Variants in CNTNAP4 observed in about 807,000 individuals in gnomAD.
The protein encoded by CNTNAP4 is contactin-associated protein-like 4.
Under a neutral mutation model 148.4 loss-of-function variants are expected in CNTNAP4, and 98 were observed. The ratio of observed to expected loss-of-function variants is 0.66; its 90% CI spans 0.56 to 0.78. The LOEUF (loss-of-function observed/expected upper bound fraction) is 0.78, where lower values mean the gene tolerates loss of function less well. CNTNAP4 is among the 30% of genes least tolerant of loss of function. The pLI is 0.00. For synonymous variants in CNTNAP4, 730 were observed against 565.1 expected, an observed-to-expected ratio of 1.29 and a Z score of -4.14; for missense variants, 1,935 against 1,565.6, an observed-to-expected ratio of 1.24 and a Z score of -3.98.
At chr16:76,497,614 A>T (rs560337624) in intron 14 of CNTNAP4, among the ~76,000 whole-genome samples, 1 of 149,170 alleles carries the variant, frequency 6.7e-6, no homozygotes, top group East Asian at 2.0e-4. Flanking sequence ...CAAACACTGC[A>T]TGTTCTCACT....
chr16:76,492,879 G>C (rs953074870), intron 13 of CNTNAP4, among the ~76,000 whole-genome samples: 11 of 151,578 alleles, frequency 7.3e-5, no homozygotes, highest in Non-Finnish European at 1.6e-4. Context: ...CAGCATGAAG[G>C]CAGACTAATA....
intron 3 of CNTNAP4, among the ~76,000 whole-genome samples, chr16:76,358,473 C>G (rs144158563): frequency 6.6e-6 from 1 of 152,170 alleles, no homozygotes; most frequent in Admixed American, 6.5e-5. Context: ...ATATGGAGAT[C>G]ATTGTAAGCT....
At chr16:76,371,798 G>A (rs2014854160) in intron 3 of CNTNAP4, among the ~76,000 whole-genome samples, 1 of 152,148 alleles carries the variant, frequency 6.6e-6, no homozygotes, top group South Asian at 2.1e-4. Context: ...AAAGTTTCTT[G>A]TACTTTCCTA....
chr16:76,525,818 C>T (rs1383399402), intron 17 of CNTNAP4, among the ~76,000 whole-genome samples: 2 of 146,568 alleles, frequency 1.4e-5, no homozygotes, highest in African/African-American at 4.9e-5. Flanking sequence ...TTAAGCTAAA[C>T]TATATAGTTT....
At chr16:76,369,497 A>G (rs7187266) in intron 3 of CNTNAP4, among the ~76,000 whole-genome samples, 74,123 of 151,956 alleles carry the variant, frequency 0.49, 18,442 homozygotes, top group Admixed American at 0.55. Flanking sequence ...CTGAAGACCC[A>G]AGGACCAGAA....
At chr16:76,300,777 T>C (rs1959876775) in intron 1 of CNTNAP4, among the ~76,000 whole-genome samples, 1 of 152,148 alleles carries the variant, frequency 6.6e-6, no homozygotes, top group Admixed American at 6.6e-5. Context: ...CATTGGCACG[T>C]TGGCAAGCAT....
At chr16:76,417,931 G>A (rs1216060782) in intron 3 of CNTNAP4, among the ~76,000 whole-genome samples, 2 of 151,530 alleles carry the variant, frequency 1.3e-5, no homozygotes, top group Non-Finnish European at 3.0e-5. Context: ...CTCTTTGCTT[G>A]CTTGCTTGTT....
chr16:76,376,907 T>TTGTGTGTGTGTGTGTGTG (rs5817987), intron 3 of CNTNAP4, among the ~76,000 whole-genome samples: 2 of 143,444 alleles, frequency 1.4e-5, no homozygotes, highest in African/African-American at 5.2e-5. Context: ...CTAACAAGGT[T>TTGTGTGTGTGTGTGTGTG]TGTGTGTGTG....
intron 12 of CNTNAP4, among the ~76,000 whole-genome samples, chr16:76,487,802 A>C (rs571111970): frequency 6.6e-6 from 1 of 152,328 alleles, no homozygotes; most frequent in South Asian, 2.1e-4. Flanking sequence ...CGTTGTTATG[A>C]GCTACTCTTT....
At chr16:76,452,479 G>A (rs1470794284) in intron 7 of CNTNAP4, 29 bp from the exon 8 acceptor site, 1 of 1,611,164 alleles carries the variant, frequency 6.2e-7, no homozygotes, top group African/African-American at 1.3e-5. Flanking sequence ...ATAACATTCT[G>A]AAAGCTTTTT....
At chr16:76,355,285 T>G in intron 2 of CNTNAP4, 33 bp from the exon 3 acceptor site, 3 of 1,464,490 alleles carry the variant, frequency 2.0e-6, no homozygotes, top group Middle Eastern at 2.5e-4. Flanking sequence ...CTTTCCTTTC[T>G]CAATTTTCTC....
intron 9 of CNTNAP4, among the ~76,000 whole-genome samples, chr16:76,466,985 G>A (rs941367433): frequency 4.0e-5 from 6 of 151,750 alleles, no homozygotes; most frequent in African/African-American, 1.5e-4. Flanking sequence ...CATCTTTTAT[G>A]TTCTTAATTT....
At chr16:76,538,885 A>T (rs2084331661) in intron 19 of CNTNAP4, among the ~76,000 whole-genome samples, 1 of 152,052 alleles carries the variant, frequency 6.6e-6, no homozygotes, top group Non-Finnish European at 1.5e-5. Flanking sequence ...ACAGAAAACC[A>T]TTTACTGCTA....
chr16:76,399,379 A>G (rs2078323922), intron 3 of CNTNAP4, among the ~76,000 whole-genome samples: 1 of 152,226 alleles, frequency 6.6e-6, no homozygotes, highest in Non-Finnish European at 1.5e-5. Context: ...GCAAAGCAAT[A>G]AGCTACCAAA....
chr16:76,530,935 CA>C (rs1397326375), intron 17 of CNTNAP4, among the ~76,000 whole-genome samples: 3 of 152,166 alleles, frequency 2.0e-5, no homozygotes, highest in African/African-American at 7.2e-5. Context: ...TTTTTCCCTT[CA>C]ATCTCCTGAC....
intron 2 of CNTNAP4, among the ~76,000 whole-genome samples, chr16:76,322,744 A>G (rs75354295): frequency 6.6e-6 from 1 of 152,186 alleles, no homozygotes; most frequent in Non-Finnish European, 1.5e-5. Flanking sequence ...CTAAATATAT[A>G]TACTCATTTA....
chr16:76,396,424 A>G (rs1416822860), intron 3 of CNTNAP4, among the ~76,000 whole-genome samples: 1 of 152,162 alleles, frequency 6.6e-6, no homozygotes, highest in Non-Finnish European at 1.5e-5. Flanking sequence ...GGTAGGAAGA[A>G]TGGGGCAAAA....
chr16:76,436,834 C>T (rs1290813062), intron 4 of CNTNAP4, among the ~76,000 whole-genome samples: 2 of 152,032 alleles, frequency 1.3e-5, no homozygotes, highest in Middle Eastern at 3.2e-3. Flanking sequence ...TGGGTCTAAT[C>T]ATATTAAGCA....
chr16:76,304,606 G>A (rs1039899904), intron 1 of CNTNAP4, among the ~76,000 whole-genome samples: 20 of 152,152 alleles, frequency 1.3e-4, no homozygotes, highest in Admixed American at 6.6e-5. Flanking sequence ...CCAGTTTTGT[G>A]TAACTCAAAA....
Sources: gnomAD v4.1 joint callset for allele counts (sites outside exome capture counted in the v4.1 genomes callset) on GRCh38, gnomAD v4.1.1 for gene constraint, MANE v1.5 for transcripts, NCBI Gene and HGNC (gene_info 2026-07-23, HGNC 2026-07-21) for gene names.